The following LMAN1L variants were observed in gnomAD, a reference collection of about 807,000 sequenced individuals.
LMAN1L encodes the protein protein ERGIC-53-like.
A neutral mutation model predicts 58.3 loss-of-function variants in LMAN1L; 60 were observed. The ratio of observed to expected loss-of-function variants is 1.03; its 90% CI spans 0.84 to 1.27. LMAN1L has a LOEUF of 1.27. Ranked by LOEUF, LMAN1L falls within the 50% of genes most tolerant of loss-of-function variation. LMAN1L has a pLI of 0.00. For missense variants in LMAN1L, 629 were observed against 674.0 expected, an observed-to-expected ratio of 0.93 and a Z score of 0.74; for synonymous variants, 280 against 271.6, an observed-to-expected ratio of 1.03 and a Z score of -0.31.
rs1331712044 is a variant in LMAN1L, at chr15:74,814,372, G to GTTTT, written c.175+1345_175+1348dup. ...CCACACGCAGCTAATTTTTGTTTTT[G>GTTTT]TTTTTGTTTTTTTTTTTTTGAGACG... On this transcript the variant is annotated intron_variant, in intron 1 of 13. Transcript: ENST00000309664. 5.6e-3 allele frequency among the ~76,000 whole-genome samples: 618 copies of GTTTT among 109,476 alleles called. 180 individuals carry two copies. The highest frequency in any genetic ancestry group is 8.7e-3 in the Non-Finnish European group (470 of 54,282). 71.8% of individuals were successfully genotyped at this position (109,476 alleles called of 152,430 possible). A position where few individuals can be genotyped will look rare whatever the true frequency, so the allele number is the denominator to read the frequency against.
intron 10 of LMAN1L, among the ~76,000 whole-genome samples, 162 bp downstream of exon 10, chr15:74,822,062 C>T (rs557808432): frequency 1.2e-4 from 19 of 152,120 alleles, no homozygotes; most frequent in African/African-American, 3.4e-4. Flanking sequence ...GTGGCTCACG[C>T]GTGTAATCCT....
rs752633669 is a variant in LMAN1L, at chr15:74,812,995, T to C, written c.141T>C (p.Pro47=). The change falls in exon 1 of 14, where the codon CCT becomes CCC. Residue 47 remains proline (P), a synonymous_variant. Coordinates refer to ENST00000309664, the MANE Select transcript of LMAN1L (RefSeq NM_021819.3). ...LSFKGPRLAL[P]GAGIPFWSHH... is the part of the protein sequence containing the mutation. ...TCAAAGGCCCAAGGCTGGCATTGCC[T>C]GGGGCTGGAATACCCTTCTGGAGCC... 15 of 1,613,808 alleles carry C rather than the reference T, an allele frequency of 9.3e-6. No individual in the cohort carries two copies. The East Asian group carries it at 3.3e-4, about 36-fold the overall frequency.
In LMAN1L at chr15:74,825,556, C is replaced by G; in HGVS notation, c.1532C>G (p.Ala511Gly). The stretch of plus-strand genomic sequence containing the variant: ...GGTCCTGCACCACACACCCCCAGGG[C>G]CCTGGGGATTCTGAGGAGGCAGCCT... ...PLGPAPHTPR[A>G]LGILRRQPLP... Residue 511 changes from alanine (A) to glycine (G), a missense_variant, in exon 14 of 14, where the codon GCC becomes GGC. Around this residue, in one of 3 missense-constraint regions of LMAN1L, gnomAD observed 53 missense variants for 59.7 expected, o/e 0.89. Transcript: ENST00000309664. 6.2e-7 allele frequency: 1 copy of G among 1,613,436 alleles called. No individual in the cohort carries two copies. Among genetic ancestry groups the G allele is most frequent in the Non-Finnish European group, 8.5e-7 (1 of 1,179,564 alleles).
At position 74,824,392 on chromosome 15, in the gene LMAN1L, A is replaced by G; in HGVS notation, c.1365A>G (p.Pro455=). Residue 455 remains proline (P), a synonymous_variant, in exon 13 of 14, where the codon CCA becomes CCG. Transcript: ENST00000309664. ...CCCCCCGCCCACCTGGCCAGCCCCC[A>G]AGGGCCTCCTCGTGCCTGCAGCCTG... ...AKAPRPPGQP[P]RASSCLQPGI... The G allele has an allele frequency of 6.2e-7, 1 of 1,613,920 alleles. No homozygotes were observed. The highest frequency in any genetic ancestry group is 8.5e-7 in the Non-Finnish European group (1 of 1,179,796).
intron 1 of LMAN1L, among the ~76,000 whole-genome samples, chr15:74,814,619 C>T (rs1342947102): frequency 6.6e-6 from 1 of 152,060 alleles, no homozygotes; most frequent in Non-Finnish European, 1.5e-5. Flanking sequence ...GTGATCCGCC[C>T]GCCTTGGCCT....
Position 74,822,713 on chromosome 15 carries a change from A to G in LMAN1L, c.1199+4A>G. On this transcript the variant is annotated splice_donor_region_variant and intron_variant, in intron 11 of 13. Coordinates refer to ENST00000309664, the MANE Select transcript of LMAN1L (RefSeq NM_021819.3). The stretch of plus-strand genomic sequence containing the variant: ...TCCAGGCCCTGCAAGAGATGAGGTA[A>G]GGGACTGGGTGGGGACCCCTCCACC... The G allele has an allele frequency of 6.2e-7, 1 of 1,612,888 alleles. No homozygotes were observed. Among genetic ancestry groups the G allele is most frequent in the Non-Finnish European group, 8.5e-7 (1 of 1,178,890 alleles).
chr15:74,820,342 C>G, intron 7 of LMAN1L: 1 of 614,974 alleles, frequency 1.6e-6, no homozygotes. Context: ...TCAAAAGGTG[C>G]AGGGGGCTGT....
rs964575711 is a variant in LMAN1L at position 74,824,452 on chromosome 15, A to G, written c.1425A>G (p.Val475=). ...TGTTCTACCTCCTCATTCAGACTGTAGGCTTCTTCGGCTACGTGCACTTCA... is the reference window on the plus strand; with the variant it reads ...TGTTCTACCTCCTCATTCAGACTGTGGGCTTCTTCGGCTACGTGCACTTCA... ...IFLFYLLIQT[V]GFFGYVHFRQ... Residue 475 remains valine (V), a synonymous_variant, in exon 13 of 14, where the codon GTA becomes GTG. Transcript: ENST00000309664. 6.2e-7 allele frequency: 1 copy of G among 1,614,174 alleles called. No individual in the cohort carries two copies.
In LMAN1L at chr15:74,816,146, C is replaced by A; in HGVS notation, c.176-11C>A. The stretch of plus-strand genomic sequence containing the variant: ...AGTGGAGCCTGGGGCTTGAGCTGCC[C>A]TTGTCCACAGACGCCATCCTGGGCC... On this transcript the variant is annotated splice_polypyrimidine_tract_variant and intron_variant, in intron 1 of 13. Coordinates refer to ENST00000309664, the MANE Select transcript of LMAN1L (RefSeq NM_021819.3). 6.5e-7 allele frequency: 1 copy of A among 1,545,494 alleles called. No homozygotes were observed. The highest frequency in any genetic ancestry group is 2.4e-5 in the East Asian group (1 of 40,882).
intron 6 of LMAN1L, chr15:74,819,483 T>A (rs566157883): frequency 2.0e-5 from 12 of 608,742 alleles, no homozygotes; most frequent in Non-Finnish European, 3.3e-5. Flanking sequence ...GCTGGCCACA[T>A]AAGTGCCCCT....
chr15:74,823,325 C>T (rs1161482811), intron 11 of LMAN1L, among the ~76,000 whole-genome samples: 2 of 152,024 alleles, frequency 1.3e-5, no homozygotes, highest in East Asian at 1.9e-4. Context: ...AAGGCAGAGC[C>T]GGGGAGCCTG....
At chr15:74,823,465 G>A (rs2063926309) in intron 11 of LMAN1L, 94 bp from the exon 12 acceptor site, 1 of 1,429,370 alleles carries the variant, frequency 7.0e-7, no homozygotes, top group Non-Finnish European at 9.7e-7. Context: ...CCCCATCCAT[G>A]TGCTGCCCTT....
Position 74,820,111 on chromosome 15 carries a change from C to G in LMAN1L, c.774+12C>G, listed in dbSNP as rs2063909715. On this transcript the variant is annotated intron_variant, in intron 7 of 13. Transcript: ENST00000309664. The stretch of plus-strand genomic sequence containing the variant: ...AGCCCAGCCCAGAGGTGATGCCAGC[C>G]CTGGCCTACCTGGGAATGGCAGCCC... 1 of 1,612,258 alleles carries G rather than the reference C, an allele frequency of 6.2e-7. No homozygotes were observed.
chr15:74,820,238 G>A (rs1016338250), intron 7 of LMAN1L, 139 bp downstream of exon 7: 2 of 810,948 alleles, frequency 2.5e-6, no homozygotes, highest in East Asian at 2.5e-5. Context: ...ACCTTGTGCA[G>A]GGCAGTGCTG....
intron 1 of LMAN1L, chr15:74,813,611 T>G: frequency 1.1e-5 from 4 of 375,188 alleles, no homozygotes; most frequent in Non-Finnish European, 1.6e-5. Context: ...CTACCAGATC[T>G]TGTTCAAAAA....
chr15:74,817,394 T>C (rs556625821), intron 4 of LMAN1L, among the ~76,000 whole-genome samples: 8 of 152,308 alleles, frequency 5.3e-5, no homozygotes, highest in South Asian at 2.1e-4. Flanking sequence ...CAAGGTCACA[T>C]AGCTCGGGGC....
intron 12 of LMAN1L, chr15:74,823,975 G>C (rs1485682886): frequency 9.8e-6 from 5 of 509,244 alleles, no homozygotes; most frequent in Non-Finnish European, 1.8e-5. Flanking sequence ...GGGGAAACAG[G>C]GTGGGCTGTG....
At chr15:74,824,874 T>G (rs1458150559) in intron 13 of LMAN1L, 1 of 168,348 alleles carries the variant, frequency 5.9e-6, no homozygotes. Context: ...ACAAGATAGG[T>G]AAAGGCATAG....
chr15:74,813,039 A>G lies in LMAN1L; in HGVS notation c.175+10A>G. ...TGGAGCCATCATGGAGGTGAGGGGC[A>G]GGGGTGGGGACCAGCTATGCCCAGG... On this transcript the variant is annotated intron_variant, in intron 1 of 13. Coordinates refer to ENST00000309664, the MANE Select transcript of LMAN1L (RefSeq NM_021819.3). 1 of 1,607,774 alleles carries G rather than the reference A, an allele frequency of 6.2e-7. No homozygotes were observed. Among genetic ancestry groups the G allele is most frequent in the Non-Finnish European group, 8.5e-7 (1 of 1,176,528 alleles).
Sources: allele counts gnomAD v4.1 joint callset (sites outside exome capture counted in the v4.1 genomes callset), GRCh38; gene constraint gnomAD v4.1.1; regional missense constraint gnomAD v4.1.1; transcripts MANE v1.5; gene names NCBI Gene and HGNC (gene_info 2026-07-23, HGNC 2026-07-21).